Variants in SPIRE1 observed in about 807,000 individuals in gnomAD.
SPIRE1 encodes the protein spire type actin nucleation factor 1.
In SPIRE1, 40 loss-of-function variants were observed where a neutral mutation model predicts 94.1. The observed-to-expected ratio is 0.43, with a 90% confidence interval of 0.33 to 0.55. The LOEUF is 0.55. Ranked by LOEUF, SPIRE1 falls within the 20% of genes least tolerant of loss-of-function variation. The pLI is 0.06. For missense variants in SPIRE1, 838 were observed against 975.2 expected (o/e 0.86, Z 1.87); for synonymous variants, 376 against 371.7 (o/e 1.01, Z -0.13).
rs566162431 is a variant in SPIRE1 at position 12,557,792 on chromosome 18, A to AAC, written c.373-10890_373-10889dup. Among the ~76,000 whole-genome samples the AAC allele has an allele frequency of 2.6e-4, 39 of 152,208 alleles. No individual in the cohort carries two copies. In the East Asian group the frequency reaches 7.5e-3, roughly 29 times the overall value. ...TACACTACAAAGCTACAGTAACCAAAACATCATGGTACTGGCATAAAAACA... is the reference window on the plus strand; with the variant it reads ...TACACTACAAAGCTACAGTAACCAAAACACATCATGGTACTGGCATAAAAACA... On this transcript the variant is annotated intron_variant, in intron 2 of 16. Transcript: ENST00000409402.
intron 3 of SPIRE1, among the ~76,000 whole-genome samples, chr18:12,538,430 T>G: frequency 6.6e-6 from 1 of 152,212 alleles, no homozygotes; most frequent in Non-Finnish European, 1.5e-5. Context: ...CTCTCCTCTT[T>G]GCTCTACATA....
chr18:12,590,657 G>A (rs1006402570), intron 2 of SPIRE1, among the ~76,000 whole-genome samples: 5 of 152,134 alleles, frequency 3.3e-5, no homozygotes, highest in African/African-American at 1.2e-4. Flanking sequence ...CAGCATCAGC[G>A]TTGTGGAGGC....
In SPIRE1 at chr18:12,449,574, C is replaced by T. The variant is rs1383340908; in HGVS notation, c.*64G>A. ...AAAACCACAGAAAGGAGAGCCAGCC[C>T]GGCTCAGTGTCCTCGCGCACGGACG... On this transcript the variant is annotated 3_prime_UTR_variant, in exon 17 of 17. Coordinates refer to ENST00000409402, the MANE Select transcript of SPIRE1 (RefSeq NM_001128626.2). The T allele has an allele frequency of 1.2e-5, 19 of 1,524,066 alleles. No individual in the cohort carries two copies. The highest frequency in any genetic ancestry group is 2.2e-4 in the Middle Eastern group (1 of 4,450). 94.4% of individuals were successfully genotyped at this position (1,524,066 alleles called of 1,614,324 possible).
At chr18:12,517,853 A>T (rs1011127284) in intron 4 of SPIRE1, among the ~76,000 whole-genome samples, 1 of 152,192 alleles carries the variant, frequency 6.6e-6, no homozygotes, top group African/African-American at 2.4e-5. Context: ...ATATATGTTC[A>T]TATATTAAAA....
chr18:12,563,191 C>T (rs1313816966), intron 2 of SPIRE1, among the ~76,000 whole-genome samples: 1 of 149,198 alleles, frequency 6.7e-6, no homozygotes, highest in Admixed American at 6.6e-5. Flanking sequence ...TTATGAATCC[C>T]TGTTCTATAC....
At chr18:12,601,331 G>A (rs1392759456) in intron 2 of SPIRE1, among the ~76,000 whole-genome samples, 1 of 151,880 alleles carries the variant, frequency 6.6e-6, no homozygotes, top group East Asian at 1.9e-4. Flanking sequence ...GCTGAGGCAG[G>A]AGAGTCACTT....
intron 10 of SPIRE1, among the ~76,000 whole-genome samples, chr18:12,469,984 C>A (rs2032286688): frequency 6.6e-6 from 1 of 151,908 alleles, no homozygotes; most frequent in African/African-American, 2.4e-5. Flanking sequence ...CTCTGTTGCC[C>A]AGGCTGGAGT....
intron 3 of SPIRE1, among the ~76,000 whole-genome samples, chr18:12,538,964 T>C (rs1418863846): frequency 1.3e-5 from 2 of 152,214 alleles, no homozygotes; most frequent in Non-Finnish European, 2.9e-5. Flanking sequence ...TACCATTTTC[T>C]TTCATTAGAG....
chr18:12,626,792 T>C (rs2037637639), intron 2 of SPIRE1, among the ~76,000 whole-genome samples: 2 of 151,348 alleles, frequency 1.3e-5, no homozygotes, highest in Non-Finnish European at 1.5e-5. Context: ...ATGCAAATAA[T>C]AGGATCTACT....
At chr18:12,501,020 C>G (rs528128783) in intron 6 of SPIRE1, among the ~76,000 whole-genome samples, 1 of 139,950 alleles carries the variant, frequency 7.1e-6, no homozygotes, top group Non-Finnish European at 1.5e-5. Flanking sequence ...TGCAGCGAGC[C>G]GAGATCACGC....
Position 12,464,928 on chromosome 18 carries a change from T to G in SPIRE1, c.1435A>C (p.Ser479Arg). The G allele has an allele frequency of 6.2e-7, 1 of 1,614,104 alleles. No individual in the cohort carries two copies. Among genetic ancestry groups the G allele is most frequent in the South Asian group, 1.1e-5 (1 of 91,066 alleles). The change falls in exon 11 of 17, where the codon AGC becomes CGC. Residue 479 changes from serine (S) to arginine (R), a missense_variant. Physicochemically the swap from Ser to Arg is moderately radical, Grantham distance 110. Around this residue, in one of 2 missense-constraint regions of SPIRE1, gnomAD observed 645 missense variants for 804.7 expected, o/e 0.80. Transcript: ENST00000409402. ...EETLHKSTSS[S>R]SVSPSFPEEP... The stretch of plus-strand genomic sequence containing the variant: ...TCAGGGAAAGAGGGAGACACGCTGC[T>G]GCTGCTGGTCGACTTGTGCAGCGTT...
intron 2 of SPIRE1, among the ~76,000 whole-genome samples, chr18:12,548,068 A>G (rs2035224894): frequency 6.6e-6 from 1 of 152,228 alleles, no homozygotes; most frequent in South Asian, 2.1e-4. Context: ...GGGGATGTCA[A>G]TGATACCTCC....
At chr18:12,578,086 T>C (rs889496315) in intron 2 of SPIRE1, among the ~76,000 whole-genome samples, 2 of 152,196 alleles carry the variant, frequency 1.3e-5, no homozygotes, top group African/African-American at 4.8e-5. Context: ...AACTAGAACA[T>C]GTACATTGCT....
At chr18:12,612,499 A>C (rs1006809598) in intron 2 of SPIRE1, among the ~76,000 whole-genome samples, 1 of 152,146 alleles carries the variant, frequency 6.6e-6, no homozygotes, top group African/African-American at 2.4e-5. Context: ...ATAGTCTTAC[A>C]TGGCCCTTAA....
At chr18:12,450,545 GTC>G (rs1568176787) in intron 16 of SPIRE1, 1 of 561,846 alleles carries the variant, frequency 1.8e-6, no homozygotes. Context: ...GAGCCCAGCG[GTC>G]TCTGTCAATT....
At chr18:12,626,884 A>T (rs375006370) in intron 2 of SPIRE1, among the ~76,000 whole-genome samples, 6 of 54,550 alleles carry the variant, frequency 1.1e-4, no homozygotes, top group Non-Finnish European at 1.5e-4. Flanking sequence ...ATATATATAT[A>T]TATTTTTTTT....
intron 2 of SPIRE1, among the ~76,000 whole-genome samples, chr18:12,626,795 G>C (rs1194866009): frequency 6.7e-6 from 1 of 150,036 alleles, no homozygotes; most frequent in African/African-American, 2.5e-5. Context: ...CAAATAATAG[G>C]ATCTACTTCA....
intron 1 of SPIRE1, among the ~76,000 whole-genome samples, chr18:12,641,152 T>A: frequency 6.6e-6 from 1 of 152,166 alleles, no homozygotes; most frequent in East Asian, 1.9e-4. Flanking sequence ...TGCTCCATGT[T>A]TTCAAGAATA....
intron 5 of SPIRE1, among the ~76,000 whole-genome samples, chr18:12,512,083 G>C (rs1029603116): frequency 6.6e-6 from 1 of 152,126 alleles, no homozygotes; most frequent in Admixed American, 6.5e-5. Context: ...ATATTATACA[G>C]GTTGGGCAAG....
Sources: gnomAD v4.1 joint callset for allele counts (sites outside exome capture counted in the v4.1 genomes callset) on GRCh38, gnomAD v4.1.1 for gene constraint, gnomAD v4.1.1 regional missense constraint, MANE v1.5 for transcripts, NCBI Gene and HGNC (gene_info 2026-07-23, HGNC 2026-07-21) for gene names.